Variants in PPP3CA observed in about 807,000 individuals in gnomAD.
PPP3CA encodes the protein protein phosphatase 3 catalytic subunit alpha, also known as CAM-PRP catalytic subunit.
In PPP3CA, 14 loss-of-function variants were observed where a neutral mutation model predicts 66.5. The observed-to-expected ratio is 0.21, with a 90% CI of 0.14 to 0.33. The LOEUF (loss-of-function observed/expected upper bound fraction) is 0.33, where lower values mean the gene tolerates loss of function less well. PPP3CA is among the 10% of genes least tolerant of loss of function. The pLI is 1.00. For synonymous variants in PPP3CA, 232 were observed against 226.2 expected, an observed-to-expected ratio of 1.03 and a Z score of -0.23; for missense variants, 317 against 639.5, an observed-to-expected ratio of 0.50 and a Z score of 5.44.
chr4:101,323,986 A>G (rs146127411), intron 1 of PPP3CA, among the ~76,000 whole-genome samples: 2,971 of 152,108 alleles, frequency 0.02, 108 homozygotes, highest in African/African-American at 0.067. Flanking sequence ...GGTGGCACAC[A>G]CTTGTAATCC....
At position 101,346,677 on chromosome 4, in the gene PPP3CA, G is replaced by A. The variant is rs1253854967; in HGVS notation, c.58+62C>T. The stretch of plus-strand genomic sequence containing the variant: ...GGGGAGGGGAGGAAAGGCGAGGCGA[G>A]GCAAGCTGCCCTGGCGCCTGCGGCA... On this transcript the variant is annotated intron_variant, in intron 1 of 13. Transcript: ENST00000394854. The A allele has an allele frequency of 4.8e-6, 7 of 1,462,896 alleles. No individual in the cohort carries two copies. In the African/African-American group the frequency reaches 9.8e-5, roughly 21 times the overall value. 90.6% of individuals were successfully genotyped at this position (1,462,896 alleles called of 1,614,324 possible).
At chr4:101,049,452 T>C (rs1180922497) in intron 10 of PPP3CA, among the ~76,000 whole-genome samples, 1 of 152,038 alleles carries the variant, frequency 6.6e-6, no homozygotes, top group Non-Finnish European at 1.5e-5. Flanking sequence ...ATCAATTTTA[T>C]AAAGTAATAA....
At chr4:101,288,291 G>A (rs1231212106) in intron 1 of PPP3CA, among the ~76,000 whole-genome samples, 4 of 152,160 alleles carry the variant, frequency 2.6e-5, no homozygotes, top group African/African-American at 9.7e-5. Context: ...AGTCACAGGT[G>A]AAGGACATTA....
At chr4:101,094,790 CTTTAG>C (rs1158675048) in intron 5 of PPP3CA, among the ~76,000 whole-genome samples, 3 of 152,114 alleles carry the variant, frequency 2.0e-5, no homozygotes, top group Non-Finnish European at 4.4e-5. Flanking sequence ...ATTTTAAACA[CTTTAG>C]TTTATCCTGA....
chr4:101,182,332 A>G (rs184762144), intron 2 of PPP3CA, among the ~76,000 whole-genome samples: 44 of 152,310 alleles, frequency 2.9e-4, no homozygotes, highest in African/African-American at 9.9e-4. Context: ...TAAATAAAAC[A>G]GGCTTAAGTA....
chr4:101,061,024 A>G (rs544497615), intron 10 of PPP3CA, 63 bp downstream of exon 10: 1 of 1,300,356 alleles, frequency 7.7e-7, no homozygotes, highest in Non-Finnish European at 1.1e-6. Context: ...TCTTAGATTT[A>G]GCAATGAGAC....
intron 1 of PPP3CA, among the ~76,000 whole-genome samples, chr4:101,271,974 T>C (rs1727349651): frequency 6.6e-6 from 1 of 152,242 alleles, no homozygotes; most frequent in African/African-American, 2.4e-5. Flanking sequence ...GTAATCATTA[T>C]ACTATAACAA....
At chr4:101,149,284 G>A (rs1357029435) in intron 2 of PPP3CA, among the ~76,000 whole-genome samples, 6 of 152,100 alleles carry the variant, frequency 3.9e-5, no homozygotes, top group African/African-American at 1.4e-4. Flanking sequence ...GCCTTCACAT[G>A]CTTTATCACA....
intron 3 of PPP3CA, among the ~76,000 whole-genome samples, chr4:101,105,585 AAAC>A (rs1730629330): frequency 6.6e-6 from 1 of 152,196 alleles, no homozygotes. Context: ...AAAAAACAAA[AAAC>A]AAACAAAAAA....
chr4:101,225,014 A>G (rs2851007), intron 1 of PPP3CA, among the ~76,000 whole-genome samples: 126,555 of 151,662 alleles, frequency 0.83, 53,284 homozygotes, highest in African/African-American at 0.91. Flanking sequence ...CCCCTGCCTC[A>G]GAGATTTGGG....
intron 4 of PPP3CA, 141 bp from the exon 5 acceptor site, chr4:101,098,653 T>A (rs1730306285): frequency 1.5e-6 from 1 of 668,280 alleles, no homozygotes; most frequent in Non-Finnish European, 2.4e-6. Context: ...CAAAACATAA[T>A]TAAGATTTTC....
intron 1 of PPP3CA, among the ~76,000 whole-genome samples, chr4:101,235,525 A>G (rs1291292240): frequency 1.3e-5 from 2 of 151,762 alleles, no homozygotes; most frequent in African/African-American, 4.8e-5. Context: ...ATTTGCAATG[A>G]AAAGTGATTT....
At chr4:101,091,821 CTAATAATAA>C (rs34522517) in intron 6 of PPP3CA, among the ~76,000 whole-genome samples, 2,847 of 138,788 alleles carry the variant, frequency 0.021, 46 homozygotes, top group African/African-American at 0.039. Context: ...TCTTCAGTAT[CTAATAATAA>C]TAATAATAAT....
intron 1 of PPP3CA, among the ~76,000 whole-genome samples, chr4:101,340,561 T>A (rs1333064702): frequency 6.6e-6 from 1 of 152,196 alleles, no homozygotes; most frequent in East Asian, 1.9e-4. Flanking sequence ...CATGGAGGAA[T>A]ACACAATTGT....
At chr4:101,132,462 C>T (rs1009022031) in intron 2 of PPP3CA, among the ~76,000 whole-genome samples, 1 of 152,166 alleles carries the variant, frequency 6.6e-6, no homozygotes, top group Non-Finnish European at 1.5e-5. Context: ...TCAGAGAATA[C>T]TATTAACACC....
At chr4:101,027,565 A>G (rs1726716307) in intron 13 of PPP3CA, among the ~76,000 whole-genome samples, 1 of 152,202 alleles carries the variant, frequency 6.6e-6, no homozygotes, top group South Asian at 2.1e-4. Flanking sequence ...CTGTCTAATG[A>G]GCACCCACCC....
chr4:101,117,346 T>C (rs187562177), intron 2 of PPP3CA, among the ~76,000 whole-genome samples: 2 of 151,956 alleles, frequency 1.3e-5, no homozygotes, highest in Non-Finnish European at 2.9e-5. Context: ...AATACCATCA[T>C]TATGACCACA....
chr4:101,071,472 T>C (rs75415040), intron 8 of PPP3CA, among the ~76,000 whole-genome samples: 1 of 152,330 alleles, frequency 6.6e-6, no homozygotes, highest in African/African-American at 2.4e-5. Flanking sequence ...GTTTTTAACA[T>C]TCCTCAGATT....
At chr4:101,101,266 TC>T (rs1256049938) in intron 3 of PPP3CA, among the ~76,000 whole-genome samples, 1 of 152,156 alleles carries the variant, frequency 6.6e-6, no homozygotes, top group Non-Finnish European at 1.5e-5. Flanking sequence ...CAGTGAGTAG[TC>T]CGGTAGCTTA....
Sources: allele counts gnomAD v4.1 joint callset (sites outside exome capture counted in the v4.1 genomes callset), GRCh38; gene constraint gnomAD v4.1.1; transcripts MANE v1.5; gene names NCBI Gene and HGNC (gene_info 2026-07-23, HGNC 2026-07-21).